SLC25A16: variants seen among roughly 807,000 people sequenced by gnomAD.
The protein encoded by SLC25A16 is mitochondrial coenzyme A transporter SLC25A16.
In SLC25A16, 39 loss-of-function variants were observed where a neutral mutation model predicts 41.5. The observed-to-expected ratio is 0.94, with a 90% confidence interval of 0.73 to 1.23. SLC25A16 has a LOEUF of 1.23. SLC25A16 is among the 50% of genes most tolerant of loss of function. SLC25A16 has a pLI of 0.00. For missense variants in SLC25A16, 421 were observed against 426.9 expected, an observed-to-expected ratio of 0.99 and a Z score of 0.12; for synonymous variants, 146 against 147.8, an observed-to-expected ratio of 0.99 and a Z score of 0.09.
Position 68,483,542 on chromosome 10 carries a change from G to C in SLC25A16, c.889C>G (p.Arg297Gly), listed in dbSNP as rs139107749. The change falls in exon 9 of 9, where the codon CGA becomes GGA. Residue 297 changes from arginine (R) to glycine (G), a missense_variant. Coordinates refer to ENST00000609923, the MANE Select transcript of SLC25A16 (RefSeq NM_152707.4). ...GATAAACCACGATAGAGTCCTTTTC[G>C]AATTCCATGGTGTCCATAGACATAC... The part of the protein sequence containing the change: ...MKYVYGHHGI[R>G]KGLYRGLSLN... 1.2e-6 allele frequency: 2 copies of C among 1,611,322 alleles called. No individual in the cohort carries two copies. The highest frequency in any genetic ancestry group is 4.5e-5 in the East Asian group (2 of 44,850).
At chr10:68,508,649 C>G (rs993130220) in intron 2 of SLC25A16, among the ~76,000 whole-genome samples, 1 of 149,968 alleles carries the variant, frequency 6.7e-6, no homozygotes, top group Non-Finnish European at 1.5e-5. Context: ...ACCCGGGAGG[C>G]GGAGGTTGCA....
At chr10:68,520,124 C>A (rs1195028531) in intron 1 of SLC25A16, among the ~76,000 whole-genome samples, 2 of 150,730 alleles carry the variant, frequency 1.3e-5, no homozygotes, top group East Asian at 4.1e-4. Flanking sequence ...CTAATTTTTT[C>A]TTTTTTTAGT....
intron 2 of SLC25A16, among the ~76,000 whole-genome samples, chr10:68,511,645 A>G (rs2053065289): frequency 6.6e-6 from 1 of 152,090 alleles, no homozygotes; most frequent in Non-Finnish European, 1.5e-5. Flanking sequence ...AAAGAAAATA[A>G]TTTCCTTCCT....
chr10:68,487,861 C>CTT (rs34777333), intron 7 of SLC25A16, among the ~76,000 whole-genome samples: 30 of 149,890 alleles, frequency 2.0e-4, no homozygotes, highest in African/African-American at 7.1e-4. Context: ...TGCAATCTCT[C>CTT]TTTTTTTTTT....
chr10:68,524,028 G>A (rs2053291238), intron 1 of SLC25A16, among the ~76,000 whole-genome samples: 1 of 139,690 alleles, frequency 7.2e-6, no homozygotes, highest in South Asian at 2.6e-4. Flanking sequence ...AAGGTCAAAA[G>A]ATCAAGACCA....
rs1443229250 is a variant in SLC25A16 at position 68,482,795 on chromosome 10, C to G, written c.*637G>C. ...TCAAGTGATCCTCTCACCTCAGCTT[C>G]CAGAGTAGCTGGGACCACATGCCCA... is the stretch of plus-strand genomic sequence containing the variant. On this transcript the variant is annotated 3_prime_UTR_variant, in exon 9 of 9. Transcript: ENST00000609923. The G allele has an allele frequency of 6.6e-6, 1 of 152,136 alleles. No homozygotes were observed. The highest frequency in any genetic ancestry group is 1.5e-5 in the Non-Finnish European group (1 of 68,036). 9.4% of individuals were successfully genotyped at this position (152,136 alleles called of 1,614,324 possible).
chr10:68,504,368 C>T (rs1372278564), intron 3 of SLC25A16, among the ~76,000 whole-genome samples: 1 of 150,820 alleles, frequency 6.6e-6, no homozygotes. Context: ...AGTCCTGATA[C>T]ACAAATGGCA....
At chr10:68,507,574 T>G (rs1450558583) in intron 2 of SLC25A16, among the ~76,000 whole-genome samples, 2 of 152,132 alleles carry the variant, frequency 1.3e-5, no homozygotes, top group Non-Finnish European at 2.9e-5. Context: ...AGGGCTGAGT[T>G]GTAATCTATA....
At chr10:68,501,404 T>C (rs574293050) in intron 4 of SLC25A16, among the ~76,000 whole-genome samples, 5 of 149,798 alleles carry the variant, frequency 3.3e-5, no homozygotes, top group South Asian at 2.1e-4. Flanking sequence ...ATGTCAAGAG[T>C]TCTGTCAGCC....
chr10:68,500,841 G>T (rs1329003989), intron 4 of SLC25A16, among the ~76,000 whole-genome samples: 1 of 151,870 alleles, frequency 6.6e-6, no homozygotes, highest in Non-Finnish European at 1.5e-5. Context: ...TGAGGCAGAA[G>T]AATCTCATGA....
At chr10:68,520,910 C>A (rs1264349657) in intron 1 of SLC25A16, among the ~76,000 whole-genome samples, 1 of 151,308 alleles carries the variant, frequency 6.6e-6, no homozygotes, top group African/African-American at 2.4e-5. Context: ...TTGAGGCGGG[C>A]AGATCGCAAG....
intron 8 of SLC25A16, among the ~76,000 whole-genome samples, chr10:68,485,135 G>C (rs1254405286): frequency 6.6e-6 from 1 of 152,156 alleles, no homozygotes; most frequent in Non-Finnish European, 1.5e-5. Context: ...TCGCTGCCAG[G>C]CTGGAGTGCA....
intron 1 of SLC25A16, among the ~76,000 whole-genome samples, chr10:68,518,773 CA>C (rs201540565): frequency 2.1e-5 from 3 of 145,610 alleles, no homozygotes; most frequent in Non-Finnish European, 3.0e-5. Flanking sequence ...GTCTCGGTCT[CA>C]AAAAAACAAA....
chr10:68,506,653 C>T lies in SLC25A16; in HGVS notation c.289G>A (p.Gly97Ser). ...GGAAAGATTCGAATCATCATTGCAC[C>T]ATTTCCTTTATACAATCCAAGGAAT... Reference protein sequence around the residue: ...EGFLGLYKGNGAMMIRIFPYG... With the variant: ...EGFLGLYKGNSAMMIRIFPYG... The change falls in exon 3 of 9, where the codon GGT (glycine) becomes AGT (serine). Residue 97 changes from glycine (G) to serine (S), a missense_variant. Coordinates refer to ENST00000609923, the MANE Select transcript of SLC25A16 (RefSeq NM_152707.4). 6.2e-7 allele frequency: 1 copy of T among 1,601,092 alleles called. No homozygotes were observed. Among genetic ancestry groups the T allele is most frequent in the Non-Finnish European group, 8.5e-7 (1 of 1,171,080 alleles).
chr10:68,510,537 C>A (rs1376534719), intron 2 of SLC25A16, among the ~76,000 whole-genome samples: 1 of 150,872 alleles, frequency 6.6e-6, no homozygotes, highest in Non-Finnish European at 1.5e-5. Context: ...AGTGAAACTA[C>A]GTCTCAAAAA....
intron 6 of SLC25A16, among the ~76,000 whole-genome samples, chr10:68,491,524 CTTG>C (rs570876188): frequency 2.4e-4 from 37 of 151,804 alleles, no homozygotes; most frequent in Non-Finnish European, 4.4e-4. Flanking sequence ...CGCACCGGCC[CTTG>C]TTGTTGCTTT....
intron 1 of SLC25A16, among the ~76,000 whole-genome samples, chr10:68,518,797 ATAAATAAATAAAT>A (rs202189717): frequency 0.044 from 6,215 of 141,844 alleles, 185 homozygotes; most frequent in South Asian, 0.095. Context: ...AAATAAATAA[ATAAATAAATAAAT>A]TAAATAAATA....
chr10:68,486,732 G>T (rs2052570350), intron 8 of SLC25A16, among the ~76,000 whole-genome samples: 2 of 151,486 alleles, frequency 1.3e-5, no homozygotes, highest in South Asian at 4.2e-4. Flanking sequence ...CAGGCAGGCA[G>T]ATCACTTGAG....
At chr10:68,500,052 T>C (rs1449245807) in intron 4 of SLC25A16, 2 of 278,686 alleles carry the variant, frequency 7.2e-6, no homozygotes, top group Non-Finnish European at 7.0e-6. Context: ...TAGGTTTCCT[T>C]TTGCTGGCCA....
Sources: gnomAD v4.1 joint callset for allele counts (sites outside exome capture counted in the v4.1 genomes callset) on GRCh38, gnomAD v4.1.1 for gene constraint, MANE v1.5 for transcripts, NCBI Gene and HGNC (gene_info 2026-07-23, HGNC 2026-07-21) for gene names.